Variants in PRUNE1 observed in about 807,000 individuals in gnomAD.
The protein encoded by PRUNE1 is exopolyphosphatase PRUNE1.
Under a neutral mutation model 42.5 loss-of-function variants are expected in PRUNE1, and 25 were observed. The ratio of observed to expected loss-of-function variants is 0.59; its 90% CI spans 0.43 to 0.82. The LOEUF (loss-of-function observed/expected upper bound fraction) is 0.82, where lower values mean the gene tolerates loss of function less well. Ranked by LOEUF, PRUNE1 falls within the 40% of genes least tolerant of loss-of-function variation. The pLI is 0.00. For synonymous variants in PRUNE1, 203 were observed against 217.1 expected, an observed-to-expected ratio of 0.93 and a Z score of 0.57; for missense variants, 443 against 539.3, an observed-to-expected ratio of 0.82 and a Z score of 1.77.
rs369633480 is a variant in PRUNE1, at chr1:151,027,338, G to C, written c.774+11G>C. Reference sequence around the variant, plus strand: ...TATATGGATTTGGAGGTAAGAGCAAGTTGTGGCTGTGGGTGGGGAGAGAAA... The same window carrying C: ...TATATGGATTTGGAGGTAAGAGCAACTTGTGGCTGTGGGTGGGGAGAGAAA... On this transcript the variant is annotated intron_variant, in intron 6 of 7. Transcript: ENST00000271620. 2 of 1,576,168 alleles carry C rather than the reference G, an allele frequency of 1.3e-6. No homozygotes were observed. The highest frequency in any genetic ancestry group is 1.7e-5 in the Admixed American group (1 of 59,878).
chr1:151,033,934 G>A lies in PRUNE1; in HGVS notation c.1062G>A (p.Leu354=), dbSNP rs746587015. 2 of 1,614,108 alleles carry A rather than the reference G, an allele frequency of 1.2e-6. No individual in the cohort carries two copies. Among genetic ancestry groups the A allele is most frequent in the East Asian group, 4.5e-5 (2 of 44,882 alleles). The change falls in exon 8 of 8, where the codon CTG becomes CTA. Residue 354 remains leucine, a synonymous_variant. Transcript: ENST00000271620. The stretch of plus-strand genomic sequence containing the variant: ...TCTCTCGAAAGAAACTTCTGCCCCT[G>A]CTCCAGGAAGCCCTGTCAGCATATT... ...TQVSRKKLLP[L]LQEALSAYFD...
intron 6 of PRUNE1, among the ~76,000 whole-genome samples, chr1:151,027,879 G>A (rs1674976530): frequency 6.6e-6 from 1 of 152,106 alleles, no homozygotes; most frequent in African/African-American, 2.4e-5. Context: ...GGCCTCCGAA[G>A]TTCTGGGATT....
chr1:151,026,622 C>T (rs1444144179), intron 5 of PRUNE1, among the ~76,000 whole-genome samples: 1 of 151,298 alleles, frequency 6.6e-6, no homozygotes. Flanking sequence ...TGAAGAGAAC[C>T]CAAAAAAAAC....
chr1:151,026,335 G>A (rs1571803804), intron 5 of PRUNE1, among the ~76,000 whole-genome samples: 1 of 151,928 alleles, frequency 6.6e-6, no homozygotes. Flanking sequence ...GTGTGTGCCT[G>A]TAATCCCATC....
Position 151,033,857 on chromosome 1 carries a change from G to C in PRUNE1, c.985G>C (p.Ala329Pro), listed in dbSNP as rs1043039306. The C allele has an allele frequency of 5.0e-6, 8 of 1,613,876 alleles. No homozygotes were observed. Among genetic ancestry groups the C allele is most frequent in the Non-Finnish European group, 5.9e-6 (7 of 1,179,986 alleles). Residue 329 changes from alanine to proline, a missense_variant, in exon 8 of 8, where the codon GCC (alanine) becomes CCC (proline). Coordinates refer to ENST00000271620, the MANE Select transcript of PRUNE1 (RefSeq NM_021222.3). ...SHSPPLKLTP[A>P]SSTHPNLHAY... is the part of the protein sequence containing the mutation. ...CTCTCCACCCCTGAAGCTGACCCCT[G>C]CCTCAAGTACCCACCCTAACCTCCA...
At chr1:151,013,764 C>G (rs1415761317) in intron 1 of PRUNE1, among the ~76,000 whole-genome samples, 1 of 152,150 alleles carries the variant, frequency 6.6e-6, no homozygotes, top group Non-Finnish European at 1.5e-5. Flanking sequence ...TTTCTGCAGC[C>G]TCTTATCTCA....
intron 1 of PRUNE1, among the ~76,000 whole-genome samples, chr1:151,011,781 TA>T (rs1159697011): frequency 1.6e-5 from 2 of 127,752 alleles, no homozygotes; most frequent in Non-Finnish European, 1.8e-5. Context: ...TTTAATTAAT[TA>T]ATTTTTTTTT....
At chr1:151,018,350 T>C (rs1193950544) in intron 2 of PRUNE1, 117 bp from the exon 3 acceptor site, 10 of 904,364 alleles carry the variant, frequency 1.1e-5, no homozygotes, top group East Asian at 2.4e-5. Flanking sequence ...TGGGTACTTA[T>C]GGCTTTGAGA....
chr1:151,021,632 T>C (rs1674446671), intron 3 of PRUNE1, among the ~76,000 whole-genome samples: 2 of 152,114 alleles, frequency 1.3e-5, no homozygotes, highest in Admixed American at 1.3e-4. Flanking sequence ...CTTGAGCACA[T>C]TGTGGTTATA....
intron 7 of PRUNE1, among the ~76,000 whole-genome samples, chr1:151,029,589 G>C (rs918043610): frequency 3.3e-5 from 5 of 151,310 alleles, no homozygotes; most frequent in Non-Finnish European, 1.5e-5. Context: ...GGATAGTCTC[G>C]ATCTCCTGAC....
intron 7 of PRUNE1, among the ~76,000 whole-genome samples, chr1:151,029,589 G>A (rs918043610): frequency 2.9e-4 from 44 of 151,428 alleles, no homozygotes; most frequent in Non-Finnish European, 4.6e-4. Flanking sequence ...GGATAGTCTC[G>A]ATCTCCTGAC....
intron 1 of PRUNE1, among the ~76,000 whole-genome samples, chr1:151,012,370 T>G (rs1219390964): frequency 6.6e-6 from 1 of 152,166 alleles, no homozygotes; most frequent in African/African-American, 2.4e-5. Flanking sequence ...CCCAGGGCAG[T>G]CTTGGTTTTC....
intron 3 of PRUNE1, among the ~76,000 whole-genome samples, chr1:151,022,108 AT>A (rs60255032): frequency 0.22 from 27,447 of 125,742 alleles, 5,051 homozygotes; most frequent in African/African-American, 0.53. Flanking sequence ...TTCCTGGCTA[AT>A]TTTTTTTTTT....
At chr1:151,028,314 A>G (rs146468719) in intron 6 of PRUNE1, among the ~76,000 whole-genome samples, 1 of 152,030 alleles carries the variant, frequency 6.6e-6, no homozygotes, top group Non-Finnish European at 1.5e-5. Flanking sequence ...ATCTCAGCTC[A>G]CTGCAACCTC....
chr1:151,028,700 G>C, intron 6 of PRUNE1, 86 bp from the exon 7 acceptor site: 1 of 1,417,042 alleles, frequency 7.1e-7, no homozygotes, highest in Non-Finnish European at 9.7e-7. Flanking sequence ...TAGGATTATA[G>C]GCGTAAGCGA....
At chr1:151,011,321 C>T (rs1673758259) in intron 1 of PRUNE1, among the ~76,000 whole-genome samples, 1 of 151,940 alleles carries the variant, frequency 6.6e-6, no homozygotes, top group Admixed American at 6.6e-5. Flanking sequence ...ATAGGATGTT[C>T]CATTAAAAAA....
At position 151,017,809 on chromosome 1, in the gene PRUNE1, C is replaced by G; in HGVS notation, c.40-3C>G. On this transcript the variant is annotated splice_polypyrimidine_tract_variant and splice_region_variant and intron_variant, in intron 1 of 7. Transcript: ENST00000271620. ...TTAGTTTCCCATTTTCCTTTCTCTC[C>G]AGGAGTCCCGACCTCTACATGTTGT... The G allele has an allele frequency of 3.2e-6, 5 of 1,564,374 alleles. No homozygotes were observed. The highest frequency in any genetic ancestry group is 3.5e-6 in the Non-Finnish European group (4 of 1,137,204).
intron 7 of PRUNE1, among the ~76,000 whole-genome samples, 174 bp downstream of exon 7, chr1:151,029,118 TTCTC>T (rs1255956166): frequency 1.3e-5 from 2 of 150,918 alleles, no homozygotes; most frequent in African/African-American, 2.5e-5. Flanking sequence ...CTTTTTCCCA[TTCTC>T]TCTCTATATG....
chr1:151,008,757 G>A, intron 1 of PRUNE1, 86 bp downstream of exon 1: 1 of 1,518,148 alleles, frequency 6.6e-7, no homozygotes, highest in Non-Finnish European at 9.1e-7. Context: ...AGCCTCGACG[G>A]TCCGTGTGGA....
Sources: gnomAD v4.1 joint callset for allele counts (sites outside exome capture counted in the v4.1 genomes callset) on GRCh38, gnomAD v4.1.1 for gene constraint, MANE v1.5 for transcripts, NCBI Gene and HGNC (gene_info 2026-07-23, HGNC 2026-07-21) for gene names.